The following DAB2IP variants were observed in gnomAD, a reference collection of about 807,000 sequenced individuals.
DAB2IP encodes disabled homolog 2-interacting protein.
DAB2IP carries 28 observed loss-of-function variants against 107.2 expected under a neutral mutation model. The observed-to-expected ratio is 0.26, with a 90% CI of 0.19 to 0.36. The LOEUF is 0.36. Ranked by LOEUF, DAB2IP falls within the 10% of genes least tolerant of loss-of-function variation. The pLI is 1.00. For synonymous variants in DAB2IP, 755 were observed against 706.4 expected (o/e 1.07, Z -1.09); for missense variants, 1,400 against 1,644.7 (o/e 0.85, Z 2.57).
chr9:121,775,323 A>G (rs567248409), intron 13 of DAB2IP, among the ~76,000 whole-genome samples: 1 of 152,258 alleles, frequency 6.6e-6, no homozygotes, highest in Non-Finnish European at 1.5e-5. Flanking sequence ...GCCCGTCTCC[A>G]TGCTGCATCC....
chr9:121,753,858 GC>G (rs2118944036), intron 3 of DAB2IP, among the ~76,000 whole-genome samples: 1 of 152,318 alleles, frequency 6.6e-6, no homozygotes, highest in African/African-American at 2.4e-5. Context: ...GCCTATCCCT[GC>G]CCCTTTGGAG....
chr9:121,741,762 G>T (rs142765012), intron 3 of DAB2IP, among the ~76,000 whole-genome samples: 17 of 151,024 alleles, frequency 1.1e-4, no homozygotes, highest in African/African-American at 1.7e-4. Context: ...AGCTATCCTG[G>T]GGCAGCTTCC....
chr9:121,757,328 G>A (rs1428511482), intron 4 of DAB2IP, among the ~76,000 whole-genome samples, 162 bp downstream of exon 4: 1 of 152,218 alleles, frequency 6.6e-6, no homozygotes, highest in East Asian at 1.9e-4. Context: ...GCTCCTAAGA[G>A]ACCTGGTGGA....
At chr9:121,783,197 C>CAGAT (rs1356666628) in exon 16 of DAB2IP, 2 of 1,151,992 alleles carry the variant, frequency 1.7e-6, no homozygotes, top group Non-Finnish European at 2.2e-6. Context: ...GTTGTATTGC[C>CAGAT]AGATAGACCC....
intron 1 of DAB2IP, among the ~76,000 whole-genome samples, chr9:121,594,236 T>C: frequency 8.0e-6 from 1 of 124,248 alleles, no homozygotes; most frequent in African/African-American, 3.4e-5. Flanking sequence ...GAATGCAGCA[T>C]TTTTTTTTTT....
At chr9:121,648,231 G>A (rs150782780), upstream of DAB2IP, among the ~76,000 whole-genome samples, 63 of 152,196 alleles carry the variant, frequency 4.1e-4, no homozygotes, top group Non-Finnish European at 1.5e-5. Flanking sequence ...GTAACCAAAT[G>A]CCAACTGTTC....
At chr9:121,666,820 T>G (rs1833453103) in intron 1 of DAB2IP, among the ~76,000 whole-genome samples, 1 of 151,282 alleles carries the variant, frequency 6.6e-6, no homozygotes, top group Non-Finnish European at 1.5e-5. Context: ...ATCAATGCAT[T>G]ATTTTAGCAA....
intron 3 of DAB2IP, among the ~76,000 whole-genome samples, chr9:121,717,814 G>A (rs1391269195): frequency 3.3e-5 from 5 of 152,146 alleles, no homozygotes; most frequent in Non-Finnish European, 7.4e-5. Flanking sequence ...TGCTGTTCCT[G>A]GTCCAGGGGG....
intron 2 of DAB2IP, among the ~76,000 whole-genome samples, chr9:121,688,784 C>T (rs1235525404): frequency 2.0e-5 from 3 of 152,148 alleles, no homozygotes; most frequent in Admixed American, 6.5e-5. Context: ...TGAAGGTGCA[C>T]GAGACAGAGA....
Position 121,772,675 on chromosome 9 carries a change from C to T in DAB2IP, c.2147C>T (p.Ser716Phe), listed in dbSNP as rs747456330. Residue 716 changes from serine (S) to phenylalanine (F), a missense_variant, in exon 12 of 16, where the codon TCC (serine) becomes TTC (phenylalanine). Physicochemically the swap from Ser to Phe is radical, Grantham distance 155. This residue lies in a region of DAB2IP where 600 missense variants were observed against 659.1 expected (regional missense o/e 0.91). Transcript: ENST00000408936. This position sits in a 1 kb window ranked among gnomAD's most constrained non-coding sequence, Gnocchi z 4.7. The stretch of plus-strand genomic sequence containing the variant: ...AAGGACTTGTTTTTTGTCACAAGGT[C>T]CTCCGGGGTCCAGCCCTCACCTGCC... 1.2e-6 allele frequency: 2 copies of T among 1,614,108 alleles called. No homozygotes were observed. The highest frequency in any genetic ancestry group is 1.3e-5 in the African/African-American group (1 of 75,066).
intron 1 of DAB2IP, among the ~76,000 whole-genome samples, chr9:121,588,627 G>GGGAAT (rs1830360158): frequency 6.7e-6 from 1 of 150,340 alleles, no homozygotes; most frequent in African/African-American, 2.4e-5. Context: ...GGGAAGGGAA[G>GGGAAT]GGAAGGGAAG....
intron 2 of DAB2IP, among the ~76,000 whole-genome samples, chr9:121,687,738 A>C (rs1237391049): frequency 6.6e-6 from 1 of 152,100 alleles, no homozygotes; most frequent in Non-Finnish European, 1.5e-5. Context: ...CACAAATCTC[A>C]CTCATAGAAG....
intron 1 of DAB2IP, among the ~76,000 whole-genome samples, chr9:121,610,691 T>A (rs1157510490): frequency 1.3e-5 from 2 of 152,178 alleles, no homozygotes; most frequent in Non-Finnish European, 2.9e-5. Context: ...GCTGATATCG[T>A]TCTCCATCTC....
At chr9:121,745,877 T>G (rs1352601885) in intron 3 of DAB2IP, among the ~76,000 whole-genome samples, 1 of 152,216 alleles carries the variant, frequency 6.6e-6, no homozygotes. Flanking sequence ...ATTGAAGAGA[T>G]AGCTGAGCTG....
chr9:121,642,106 G>T, intron 1 of DAB2IP, among the ~76,000 whole-genome samples: 1 of 122,990 alleles, frequency 8.1e-6, no homozygotes, highest in Non-Finnish European at 1.7e-5. Context: ...TTTTTGACAG[G>T]GTCTTCCTCT....
chr9:121,724,381 T>G (rs540323548), intron 3 of DAB2IP, among the ~76,000 whole-genome samples: 3 of 152,028 alleles, frequency 2.0e-5, no homozygotes, highest in Non-Finnish European at 4.4e-5. Flanking sequence ...TTCAGATACC[T>G]GTGTGGCTTG....
chr9:121,715,300 C>T (rs1288398501), intron 3 of DAB2IP, among the ~76,000 whole-genome samples: 4 of 151,900 alleles, frequency 2.6e-5, no homozygotes, highest in Non-Finnish European at 5.9e-5. Flanking sequence ...TCTTTGCTTC[C>T]TTTTAATGAC....
chr9:121,718,169 G>A (rs1258707539), intron 3 of DAB2IP, among the ~76,000 whole-genome samples: 1 of 152,118 alleles, frequency 6.6e-6, no homozygotes, highest in Non-Finnish European at 1.5e-5. Context: ...CAACAGCTCT[G>A]CGCCAGCCTG....
exon 16 of DAB2IP, chr9:121,783,028 C>T (rs1045721899): frequency 6.8e-5 from 70 of 1,033,050 alleles, no homozygotes; most frequent in Non-Finnish European, 7.7e-5. Context: ...GGACACAGAG[C>T]AGGAGGTCAG....
Sources: allele counts gnomAD v4.1 joint callset (sites outside exome capture counted in the v4.1 genomes callset), GRCh38; gene constraint gnomAD v4.1.1; regional missense constraint gnomAD v4.1.1; non-coding constraint Gnocchi (gnomAD v3.1); transcripts MANE v1.5; gene names NCBI Gene and HGNC (gene_info 2026-07-23, HGNC 2026-07-21).